The following GTPBP4 variants were observed in gnomAD, a reference collection of about 807,000 sequenced individuals.
GTPBP4 encodes the protein GTP binding protein 4.
In GTPBP4, 15 loss-of-function variants were observed where a neutral mutation model predicts 81.7. That is an observed-to-expected ratio of 0.18 (90% CI 0.12 to 0.28). The LOEUF is 0.28. Ranked by LOEUF, GTPBP4 falls within the 10% of genes least tolerant of loss-of-function variation. The probability of loss-of-function intolerance (pLI) is 1.00; values close to 1 mark genes in which losing one functional copy is unlikely to be tolerated. For missense variants in GTPBP4, 847 were observed against 793.8 expected, an observed-to-expected ratio of 1.07 and a Z score of -0.81; for synonymous variants, 272 against 274.6, an observed-to-expected ratio of 0.99 and a Z score of 0.09.
At chr10:1,006,875 C>T in intron 9 of GTPBP4, 143 bp from the exon 10 acceptor site, 1 of 621,006 alleles carries the variant, frequency 1.6e-6, no homozygotes, top group Non-Finnish European at 3.0e-6. Context: ...TCCACCTGGG[C>T]CTCAGAGAAT....
At position 1,010,570 on chromosome 10, in the gene GTPBP4, G is replaced by C. The variant is rs1349970879; in HGVS notation, c.1344+50G>C. 3 of 1,001,018 alleles carry C rather than the reference G, an allele frequency of 3.0e-6. No individual in the cohort carries two copies. The South Asian group carries it at 3.8e-5, about 13-fold the overall frequency. The allele number at this position is 1,001,018 out of a possible 1,614,324, so 62.0% of individuals were successfully genotyped here. A position where few individuals can be genotyped will look rare whatever the true frequency, so the allele number is the denominator to read the frequency against. ...GATTGTTTTCCTTTTTATTATAGTA[G>C]TATTGCTGGAAGATAGCAGCATGGC... On this transcript the variant is annotated intron_variant, in intron 13 of 16. Coordinates refer to ENST00000360803, the MANE Select transcript of GTPBP4 (RefSeq NM_012341.3).
At position 1,007,660 on chromosome 10, in the gene GTPBP4, G is replaced by A. The variant is rs1046455051; in HGVS notation, c.1113+532G>A. Among the ~76,000 whole-genome samples, 75 of 152,248 alleles carry A rather than the reference G, an allele frequency of 4.9e-4. 1 individual carries two copies. Among genetic ancestry groups the A allele is most frequent in the Admixed American group, 1.3e-4 (2 of 15,292 alleles). On this transcript the variant is annotated intron_variant, in intron 10 of 16. Coordinates refer to ENST00000360803, the MANE Select transcript of GTPBP4 (RefSeq NM_012341.3). ...TGTGTCTTCATGTTTTACTGCAAAT[G>A]TGTCTGCACTTCACCATGTGGTGTT... is the stretch of plus-strand genomic sequence containing the variant.
In GTPBP4 at chr10:998,335, A is replaced by G. The variant is rs1831568376; in HGVS notation, c.562-668A>G. On this transcript the variant is annotated intron_variant, in intron 5 of 16. Transcript: ENST00000360803. ...GGCTGATCTCAAACTCCCGAGCTCA[A>G]GCCATCCTCCTGCCTCAGCCTCCTG... Among the ~76,000 whole-genome samples the G allele has an allele frequency of 2.0e-5, 3 of 152,278 alleles. No homozygotes were observed. In the South Asian group the frequency reaches 6.2e-4, roughly 32 times the overall value.
Position 1,008,187 on chromosome 10 carries a change from T to C in GTPBP4, c.1114-771T>C, listed in dbSNP as rs1394472399. The C allele has an allele frequency of 8.8e-6, 4 of 452,422 alleles. No homozygotes were observed. In the Admixed American group the frequency reaches 9.5e-5, roughly 11 times the overall value. The allele number at this position is 452,422 out of a possible 1,614,324, so 28.0% of individuals were successfully genotyped here. A position where few individuals can be genotyped will look rare whatever the true frequency, so the allele number is the denominator to read the frequency against. ...CAGCACTCTGGGAGGCCGAGGCGGG[T>C]GGATCACCTGAGGTCAAGAGTCTGA... On this transcript the variant is annotated intron_variant, in intron 10 of 16. Coordinates refer to ENST00000360803, the MANE Select transcript of GTPBP4 (RefSeq NM_012341.3).
At position 992,569 on chromosome 10, in the gene GTPBP4, T is replaced by C. The variant is rs994270064; in HGVS notation, c.129T>C (p.Ile43=). ...VIHKHYQIHR[I]RHFYMRKVKF... ...ATAAACATTACCAAATACATCGCAT[T>C]AGACATTTTTACATGAGAAAAGTCA... Residue 43 remains isoleucine, a synonymous_variant, in exon 2 of 17, where the codon ATT becomes ATC. Coordinates refer to ENST00000360803, the MANE Select transcript of GTPBP4 (RefSeq NM_012341.3). 1.9e-6 allele frequency: 3 copies of C among 1,596,744 alleles called. No individual in the cohort carries two copies. The highest frequency in any genetic ancestry group is 2.6e-6 in the Non-Finnish European group (3 of 1,164,404).
chr10:1,015,964 C>T, intron 16 of GTPBP4, 68 bp downstream of exon 16: 1 of 1,366,754 alleles, frequency 7.3e-7, no homozygotes, highest in Non-Finnish European at 1.0e-6. Flanking sequence ...GGGTTCAGGG[C>T]AAACACCAGC....
At chr10:1,000,235 CTTTTT>C (rs11331615) in intron 6 of GTPBP4, among the ~76,000 whole-genome samples, 286 of 49,346 alleles carry the variant, frequency 5.8e-3, no homozygotes, top group African/African-American at 0.02. Flanking sequence ...GGGAGACCTA[CTTTTT>C]TTTTTTTTTT....
chr10:994,443 G>GT (rs929044509), intron 2 of GTPBP4, among the ~76,000 whole-genome samples: 2 of 151,836 alleles, frequency 1.3e-5, no homozygotes, highest in Non-Finnish European at 2.9e-5. Flanking sequence ...TAATTTTTGT[G>GT]TTTTTTTAGT....
At chr10:994,394 G>T (rs1168906988) in intron 2 of GTPBP4, among the ~76,000 whole-genome samples, 1 of 151,898 alleles carries the variant, frequency 6.6e-6, no homozygotes, top group Non-Finnish European at 1.5e-5. Context: ...TCAGCCTCCC[G>T]AGTAGCTGGG....
Position 997,353 on chromosome 10 carries a change from C to T in GTPBP4, c.561+45C>T, listed in dbSNP as rs747889968. On this transcript the variant is annotated intron_variant, in intron 5 of 16. Transcript: ENST00000360803. ...TAAAGCAAATCATCTGACTATTTTA[C>T]GTCAGTGTTACTGTATTCTGGCGGC... is the stretch of plus-strand genomic sequence containing the variant. 39 of 1,033,412 alleles carry T rather than the reference C, an allele frequency of 3.8e-5. No homozygotes were observed. The South Asian group carries it at 4.1e-4, about 11-fold the overall frequency. The allele number at this position is 1,033,412 out of a possible 1,614,324, so 64.0% of individuals were successfully genotyped here.
chr10:1,014,366 A>C lies in GTPBP4; in HGVS notation c.1608+54A>C, dbSNP rs543968676. Reference sequence around the variant, plus strand: ...TGTGGCTGGATACACCTTTTTAATAAAGAAAACTGGCCGGGCGTGGTGGCT... The same window carrying C: ...TGTGGCTGGATACACCTTTTTAATACAGAAAACTGGCCGGGCGTGGTGGCT... On this transcript the variant is annotated intron_variant, in intron 15 of 16. Coordinates refer to ENST00000360803, the MANE Select transcript of GTPBP4 (RefSeq NM_012341.3). 3.8e-6 allele frequency: 5 copies of C among 1,324,306 alleles called. No homozygotes were observed. The South Asian group carries it at 5.9e-5, about 16-fold the overall frequency. The allele number at this position is 1,324,306 out of a possible 1,614,324, so 82.0% of individuals were successfully genotyped here. A position where few individuals can be genotyped will look rare whatever the true frequency, so the allele number is the denominator to read the frequency against.
At chr10:1,002,079 A>G (rs1454714828) in intron 8 of GTPBP4, among the ~76,000 whole-genome samples, 1 of 152,016 alleles carries the variant, frequency 6.6e-6, no homozygotes, top group African/African-American at 2.4e-5. Context: ...GTGCGCCACC[A>G]CACCGAGCTA....
intron 11 of GTPBP4, among the ~76,000 whole-genome samples, chr10:1,009,316 C>T (rs1273959856): frequency 1.3e-5 from 2 of 152,164 alleles, no homozygotes; most frequent in Non-Finnish European, 2.9e-5. Flanking sequence ...GCCCCACAGA[C>T]AGGGAGATAA....
rs147225871 is a variant in GTPBP4, at chr10:1,012,808, C to T, written c.1542+146C>T. The T allele has an allele frequency of 1.4e-3, 846 of 621,280 alleles. 9 individuals carry two copies. In the East Asian group the frequency reaches 0.019, roughly 14 times the overall value. The allele number at this position is 621,280 out of a possible 1,614,324, so 38.5% of individuals were successfully genotyped here. On this transcript the variant is annotated intron_variant, in intron 14 of 16. Coordinates refer to ENST00000360803, the MANE Select transcript of GTPBP4 (RefSeq NM_012341.3). ...TTATTGGTGTATGGATTTGCAAGAT[C>T]GCTCACGTATTGATCTTTTATATTC...
intron 10 of GTPBP4, chr10:1,008,079 A>G (rs1313779100): frequency 4.4e-6 from 2 of 456,690 alleles, no homozygotes; most frequent in Admixed American, 4.7e-5. Context: ...TTTGCATTGT[A>G]CATAGAAAGG....
intron 8 of GTPBP4, among the ~76,000 whole-genome samples, chr10:1,001,771 A>G (rs1228685971): frequency 2.0e-5 from 3 of 150,962 alleles, no homozygotes; most frequent in African/African-American, 7.3e-5. Flanking sequence ...ATACTTGGCA[A>G]TTTTTAAAAA....
At chr10:1,003,325 C>G (rs565938994) in intron 8 of GTPBP4, among the ~76,000 whole-genome samples, 1 of 152,264 alleles carries the variant, frequency 6.6e-6, no homozygotes, top group South Asian at 2.1e-4. Flanking sequence ...AATTATCTAT[C>G]TGTATTTTGT....
At chr10:994,553 A>G (rs1325824669) in intron 2 of GTPBP4, among the ~76,000 whole-genome samples, 1 of 152,192 alleles carries the variant, frequency 6.6e-6, no homozygotes. Context: ...TTACAGACAT[A>G]AGCCACAGTG....
intron 16 of GTPBP4, among the ~76,000 whole-genome samples, 173 bp from the exon 17 acceptor site, chr10:1,016,902 A>G (rs1384751589): frequency 3.3e-5 from 5 of 151,968 alleles, no homozygotes; most frequent in African/African-American, 1.2e-4. Flanking sequence ...GCTTAAGAGA[A>G]AAGAGATGTA....
Sources: gnomAD v4.1 joint callset for allele counts (sites outside exome capture counted in the v4.1 genomes callset) on GRCh38, gnomAD v4.1.1 for gene constraint, MANE v1.5 for transcripts, NCBI Gene and HGNC (gene_info 2026-07-23, HGNC 2026-07-21) for gene names.